ICAM1: variants seen among roughly 807,000 people sequenced by gnomAD.
ICAM1 encodes the protein intercellular adhesion molecule 1, also known as ICAM-1.
Under a neutral mutation model 42.3 loss-of-function variants are expected in ICAM1, and 28 were observed. That is an observed-to-expected ratio of 0.66 (90% CI 0.49 to 0.91). The LOEUF (loss-of-function observed/expected upper bound fraction) is 0.91, where lower values mean the gene tolerates loss of function less well. Among genes scored for constraint, ICAM1 ranks in the 40% least tolerant of loss-of-function variants. The probability of loss-of-function intolerance (pLI) is 0.00; values close to 1 mark genes in which losing one functional copy is unlikely to be tolerated. For missense variants in ICAM1, 637 were observed against 688.6 expected (o/e 0.93, Z 0.84); for synonymous variants, 304 against 305.9 (o/e 0.99, Z 0.07).
intron 1 of ICAM1, 93 bp from the exon 2 acceptor site, chr19:10,274,662 TCTTGTTAAGG>T: frequency 7.6e-7 from 1 of 1,312,704 alleles, no homozygotes; most frequent in Non-Finnish European, 1.0e-6. Flanking sequence ...CAAAGTATTG[TCTTGTTAAGG>T]CTGTGCCTCC....
At position 10,283,503 on chromosome 19, in the gene ICAM1, G is replaced by A. The variant is rs779217695; in HGVS notation, c.354G>A (p.Leu118=). 1.3e-6 allele frequency: 2 copies of A among 1,578,502 alleles called. No homozygotes were observed. Among genetic ancestry groups the A allele is most frequent in the African/African-American group, 2.7e-5 (2 of 74,356 alleles). The change falls in exon 3 of 7, where the codon CTG becomes CTA. Residue 118 remains leucine, a synonymous_variant. Transcript: ENST00000264832. ...TVYWTPERVE[L]APLPSWQPVG... ...CAGGGACTCCAGAACGGGTGGAACTGGCACCCCTCCCCTCTTGGCAGCCAG... is the reference window on the plus strand; with the variant it reads ...CAGGGACTCCAGAACGGGTGGAACTAGCACCCCTCCCCTCTTGGCAGCCAG...
intron 1 of ICAM1, among the ~76,000 whole-genome samples, chr19:10,272,546 CTTTCTTTTCT>C (rs1278736001): frequency 2.2e-5 from 3 of 137,322 alleles, no homozygotes; most frequent in Non-Finnish European, 3.1e-5. Flanking sequence ...CCCCTTCTTT[CTTTCTTTTCT>C]TTTCTTTTTT....
rs971926313 is a variant in ICAM1 at position 10,284,822 on chromosome 19, G to T, written c.1220G>T (p.Trp407Leu). 1 of 1,597,412 alleles carries T rather than the reference G, an allele frequency of 6.3e-7. No homozygotes were observed. ...RLDERDCPGNWTWPENSQQTP... is the reference protein window; with the variant it reads ...RLDERDCPGNLTWPENSQQTP... ...GACGAGAGGGATTGTCCGGGAAACT[G>T]GACGTGGCCAGAAAATTCCCAGCAG... Residue 407 changes from tryptophan to leucine, a missense_variant, in exon 6 of 7, where the codon TGG becomes TTG. Coordinates refer to ENST00000264832, the MANE Select transcript of ICAM1 (RefSeq NM_000201.3). The surrounding 1 kb of genome is among the most constrained non-coding windows in gnomAD (Gnocchi z 5.4).
At position 10,285,390 on chromosome 19, in the gene ICAM1, G is replaced by A. The variant is rs865800242; in HGVS notation, c.*103G>A. The A allele has an allele frequency of 1.6e-5, 18 of 1,156,782 alleles. No individual in the cohort carries two copies. The highest frequency in any genetic ancestry group is 2.2e-4 in the Middle Eastern group (1 of 4,490). The allele number at this position is 1,156,782 out of a possible 1,614,324, so 71.7% of individuals were successfully genotyped here. The stretch of plus-strand genomic sequence containing the variant: ...CATATGCCATGCAGCTACACCTACC[G>A]GCCCTGGGACGCCGGAGGACAGGGC... On this transcript the variant is annotated 3_prime_UTR_variant, in exon 7 of 7. Coordinates refer to ENST00000264832, the MANE Select transcript of ICAM1 (RefSeq NM_000201.3).
intron 1 of ICAM1, among the ~76,000 whole-genome samples, chr19:10,272,560 C>CTTTTTTT (rs1174775027): frequency 2.9e-3 from 164 of 56,118 alleles, no homozygotes; most frequent in African/African-American, 8.2e-3. Flanking sequence ...CTTTTCTTTT[C>CTTTTTTT]TTTTTTTTTT....
At chr19:10,279,556 C>T (rs2040041230) in intron 2 of ICAM1, among the ~76,000 whole-genome samples, 13 of 152,024 alleles carry the variant, frequency 8.6e-5, no homozygotes, top group Admixed American at 8.5e-4. Flanking sequence ...TCTTGGCTCA[C>T]TGCAGCCTCC....
intron 1 of ICAM1, among the ~76,000 whole-genome samples, chr19:10,271,923 T>C (rs1186221068): frequency 1.3e-5 from 2 of 152,014 alleles, no homozygotes; most frequent in Non-Finnish European, 2.9e-5. Flanking sequence ...TCAGAGGGTC[T>C]TTCATGGTGG....
chr19:10,271,141 T>A lies in ICAM1; in HGVS notation c.-19T>A. 1 of 1,610,378 alleles carries A rather than the reference T, an allele frequency of 6.2e-7. No individual in the cohort carries two copies. The highest frequency in any genetic ancestry group is 8.5e-7 in the Non-Finnish European group (1 of 1,178,362). On this transcript the variant is annotated 5_prime_UTR_variant, in exon 1 of 7. The change creates a new upstream start codon in the 5' untranslated region. Transcript: ENST00000264832. ...CGCTGAGCTCCTCTGCTACTCAGAGTTGCAACCTCAGCCTCGCTATGGCTC... is the reference window on the plus strand; with the variant it reads ...CGCTGAGCTCCTCTGCTACTCAGAGATGCAACCTCAGCCTCGCTATGGCTC...
intron 2 of ICAM1, among the ~76,000 whole-genome samples, chr19:10,278,136 G>A (rs2040030036): frequency 6.6e-6 from 1 of 152,200 alleles, no homozygotes; most frequent in Non-Finnish European, 1.5e-5. Context: ...GGTCCAGGCT[G>A]TAGTGAGCCG....
rs56938668 is a variant in ICAM1 at position 10,276,468 on chromosome 19, C to A, written c.331+1440C>A. ...GCTGAGGCAGGAGAATGGCATGAAC[C>A]CGGGAGGCAGAGCTTGCAGTGAGCC... is the stretch of plus-strand genomic sequence containing the variant. On this transcript the variant is annotated intron_variant, in intron 2 of 6. Coordinates refer to ENST00000264832, the MANE Select transcript of ICAM1 (RefSeq NM_000201.3). 2.7e-5 allele frequency among the ~76,000 whole-genome samples: 4 copies of A among 149,920 alleles called. No homozygotes were observed. The East Asian group carries it at 7.9e-4, about 30-fold the overall frequency.
rs556280231 is a variant in ICAM1 at position 10,284,883 on chromosome 19, C to T, written c.1281C>T (p.Pro427=). ...GCCAGGCTTGGGGGAACCCATTGCC[C>T]GAGCTCAAGTGTCTAAAGGATGGCA... ...PMCQAWGNPL[P]ELKCLKDGTF... is the part of the protein sequence containing the mutation. The change falls in exon 6 of 7, where the codon CCC becomes CCT. Residue 427 remains proline (P), a synonymous_variant. Coordinates refer to ENST00000264832, the MANE Select transcript of ICAM1 (RefSeq NM_000201.3). This position sits in a 1 kb window ranked among gnomAD's most constrained non-coding sequence, Gnocchi z 5.4. The T allele has an allele frequency of 7.7e-5, 122 of 1,594,734 alleles. No individual in the cohort carries two copies. Among genetic ancestry groups the T allele is most frequent in the Non-Finnish European group, 9.6e-5 (112 of 1,172,646 alleles).
At chr19:10,283,191 C>T in intron 2 of ICAM1, 1 of 324,174 alleles carries the variant, frequency 3.1e-6, no homozygotes, top group East Asian at 5.4e-5. Flanking sequence ...GTGCACTGGG[C>T]TGCTGAATTT....
rs552045284 is a variant in ICAM1, at chr19:10,277,149, T to G, written c.331+2121T>G. ...TATGAGAAGAGAGGCTGGGAGGCTG[T>G]GGGAGAGGGCTTGGGTGTGGAGAAT... On this transcript the variant is annotated intron_variant, in intron 2 of 6. Transcript: ENST00000264832. Among the ~76,000 whole-genome samples the G allele has an allele frequency of 4.7e-4, 71 of 152,090 alleles. 1 individual carries two copies. In the East Asian group the frequency reaches 0.012, roughly 27 times the overall value.
chr19:10,275,873 C>T (rs192568008), intron 2 of ICAM1, among the ~76,000 whole-genome samples: 308 of 151,162 alleles, frequency 2.0e-3, no homozygotes, highest in Non-Finnish European at 3.1e-3. Context: ...ATGCCCGGCT[C>T]ATTTTTTTGT....
rs531384705 is a variant in ICAM1 at position 10,277,688 on chromosome 19, A to G, written c.331+2660A>G. On this transcript the variant is annotated intron_variant, in intron 2 of 6. Transcript: ENST00000264832. Reference sequence around the variant, plus strand: ...TTTTTAGTAGAGACGGGATTTCATCATGTTGGCCAGGCTGGTCTTGATCTC... The same window carrying G: ...TTTTTAGTAGAGACGGGATTTCATCGTGTTGGCCAGGCTGGTCTTGATCTC... Among the ~76,000 whole-genome samples, 455 of 150,308 alleles carry G rather than the reference A, an allele frequency of 3.0e-3. 2 individuals are homozygous for G. Among genetic ancestry groups the G allele is most frequent in the Non-Finnish European group, 4.8e-3 (327 of 67,716 alleles).
At position 10,284,613 on chromosome 19, in the gene ICAM1, G is replaced by A. The variant is rs1380629463; in HGVS notation, c.1136G>A (p.Gly379Asp). 7.4e-6 allele frequency: 12 copies of A among 1,614,076 alleles called. No homozygotes were observed. The highest frequency in any genetic ancestry group is 1.1e-5 in the South Asian group (1 of 91,092). ...TGCTCTGCAACCCTGGAGGTGGCCG[G>A]CCAGCTTATACACAAGAACCAGACC... ...FSCSATLEVA[G>D]QLIHKNQTRE... is the part of the protein sequence containing the mutation. Residue 379 changes from glycine (G) to aspartate (D), a missense_variant, in exon 5 of 7, where the codon GGC (glycine) becomes GAC (aspartate). Physicochemically the swap from Gly to Asp is moderately conservative, Grantham distance 94. Coordinates refer to ENST00000264832, the MANE Select transcript of ICAM1 (RefSeq NM_000201.3). The surrounding 1 kb of genome is among the most constrained non-coding windows in gnomAD (Gnocchi z 5.4).
rs1338834413 is a variant in ICAM1, at chr19:10,286,161, A to C, written c.*874A>C. On this transcript the variant is annotated 3_prime_UTR_variant, in exon 7 of 7. Coordinates refer to ENST00000264832, the MANE Select transcript of ICAM1 (RefSeq NM_000201.3). Reference sequence around the variant, plus strand: ...CATTTCTGCCAGTGTTCACAATGACACTCAGCGGTCATGTCTGGACATGAG... The same window carrying C: ...CATTTCTGCCAGTGTTCACAATGACCCTCAGCGGTCATGTCTGGACATGAG... The C allele has an allele frequency of 6.6e-6, 1 of 152,328 alleles. No homozygotes were observed. The highest frequency in any genetic ancestry group is 1.5e-5 in the Non-Finnish European group (1 of 68,052). The allele number at this position is 152,328 out of a possible 1,614,324, so 9.4% of individuals were successfully genotyped here.
chr19:10,274,077 G>T (rs1353687776), intron 1 of ICAM1, among the ~76,000 whole-genome samples: 1 of 151,340 alleles, frequency 6.6e-6, no homozygotes, highest in African/African-American at 2.4e-5. Flanking sequence ...GGATCTTCCT[G>T]AATTAATCTC....
At chr19:10,280,329 A>G (rs936639272) in intron 2 of ICAM1, among the ~76,000 whole-genome samples, 3 of 151,904 alleles carry the variant, frequency 2.0e-5, no homozygotes, top group Admixed American at 6.6e-5. Flanking sequence ...CTATATATAT[A>G]TATATTTTTT....
Sources: allele counts gnomAD v4.1 joint callset (sites outside exome capture counted in the v4.1 genomes callset), GRCh38; gene constraint gnomAD v4.1.1; non-coding constraint Gnocchi (gnomAD v3.1); transcripts MANE v1.5; gene names NCBI Gene and HGNC (gene_info 2026-07-23, HGNC 2026-07-21).